MARS1: variants seen among roughly 807,000 people sequenced by gnomAD.
The protein encoded by MARS1 is methionyl-tRNA synthetase 1, also known as methionine--tRNA ligase, cytoplasmic.
A neutral mutation model predicts 119.5 loss-of-function variants in MARS1; 80 were observed. That is an observed-to-expected ratio of 0.67 (90% confidence interval 0.56 to 0.81). MARS1 has a LOEUF of 0.81. Ranked by LOEUF, MARS1 falls within the 30% of genes least tolerant of loss-of-function variation. The probability of loss-of-function intolerance (pLI) is 0.00; values close to 1 mark genes in which losing one functional copy is unlikely to be tolerated. For synonymous variants in MARS1, 418 were observed against 433.4 expected, an observed-to-expected ratio of 0.96 and a Z score of 0.44; for missense variants, 945 against 1,116.5, an observed-to-expected ratio of 0.85 and a Z score of 2.19.
chr12:57,493,823 AT>A (rs1207886150), intron 7 of MARS1, among the ~76,000 whole-genome samples: 1 of 1,056 alleles, frequency 9.5e-4, no homozygotes, highest in Non-Finnish European at 4.7e-3. Context: ...TATTATATAT[AT>A]TATATTATAT....
intron 7 of MARS1, among the ~76,000 whole-genome samples, chr12:57,491,059 A>G (rs1875927165): frequency 1.3e-5 from 2 of 151,714 alleles, no homozygotes; most frequent in Non-Finnish European, 1.5e-5. Flanking sequence ...TGAAGAGACA[A>G]GGTTTCACCA....
At chr12:57,509,263 G>C (rs535359430) in intron 11 of MARS1, among the ~76,000 whole-genome samples, 2 of 152,242 alleles carry the variant, frequency 1.3e-5, no homozygotes, top group African/African-American at 4.8e-5. Context: ...GTTCAGCCTT[G>C]AAATCAACCA....
intron 12 of MARS1, 25 bp from the exon 13 acceptor site, chr12:57,511,983 A>G (rs369188995): frequency 2.2e-5 from 36 of 1,611,454 alleles, no homozygotes; most frequent in Admixed American, 1.2e-4. Context: ...GGTCCCTAAC[A>G]TGTTTACCTC....
rs750799873 is a variant in MARS1, at chr12:57,490,626, G to A, written c.752G>A (p.Arg251Gln). The A allele has an allele frequency of 5.6e-6, 9 of 1,613,914 alleles. No individual in the cohort carries two copies. The highest frequency in any genetic ancestry group is 2.2e-5 in the East Asian group (1 of 44,882). ...GGCCTAGAAAGTTTGCCCCCGCTGC[G>A]GCCCCAGCAGAATCCAGTGTGAGTA... is the stretch of plus-strand genomic sequence containing the variant. Reference protein sequence around the residue: ...EKGLESLPPLRPQQNPVLPVA... With the variant: ...EKGLESLPPLQPQQNPVLPVA... Residue 251 changes from arginine (R) to glutamine (Q), a missense_variant, in exon 7 of 21, where the codon CGG (arginine) becomes CAG (glutamine). Transcript: ENST00000262027.
At chr12:57,493,730 T>A (rs1373910051) in intron 7 of MARS1, among the ~76,000 whole-genome samples, 12 of 6,948 alleles carry the variant, frequency 1.7e-3, no homozygotes, top group African/African-American at 2.4e-3. Flanking sequence ...TATATTATAT[T>A]ATATAATATA....
intron 7 of MARS1, among the ~76,000 whole-genome samples, 171 bp from the exon 8 acceptor site, chr12:57,497,986 T>G (rs1017273372): frequency 6.6e-6 from 1 of 152,110 alleles, no homozygotes; most frequent in Non-Finnish European, 1.5e-5. Flanking sequence ...TCTGGGGATC[T>G]TAGAGTGCCT....
Position 57,488,391 on chromosome 12 carries a change from A to G in MARS1, c.109+192A>G, listed in dbSNP as rs1410392964. 6 of 726,648 alleles carry G rather than the reference A, an allele frequency of 8.3e-6. No individual in the cohort carries two copies. The South Asian group carries it at 9.1e-5, about 11-fold the overall frequency. The allele number at this position is 726,648 out of a possible 1,614,324, so 45.0% of individuals were successfully genotyped here. A position where few individuals can be genotyped will look rare whatever the true frequency, so the allele number is the denominator to read the frequency against. On this transcript the variant is annotated intron_variant, in intron 1 of 20. Transcript: ENST00000262027. Reference sequence around the variant, plus strand: ...CTTTCACTTCCTTTAATTACCCTCAATATAATACCCTTCCCTTATCTCTCT... The same window carrying G: ...CTTTCACTTCCTTTAATTACCCTCAGTATAATACCCTTCCCTTATCTCTCT...
intron 8 of MARS1, 71 bp from the exon 9 acceptor site, chr12:57,498,349 G>A: frequency 5.0e-6 from 8 of 1,595,324 alleles, no homozygotes; most frequent in Non-Finnish European, 6.0e-6. Context: ...TCAAGGGTGG[G>A]GCTGGGGAGA....
intron 9 of MARS1, among the ~76,000 whole-genome samples, chr12:57,498,867 C>T (rs1371786993): frequency 6.6e-6 from 1 of 152,170 alleles, no homozygotes; most frequent in Non-Finnish European, 1.5e-5. Context: ...TGGGAAATAT[C>T]TATCTTCCCT....
At chr12:57,497,328 A>G (rs1419734332) in intron 7 of MARS1, among the ~76,000 whole-genome samples, 3 of 152,158 alleles carry the variant, frequency 2.0e-5, no homozygotes, top group Non-Finnish European at 4.4e-5. Context: ...TGGGCCATCT[A>G]TTGGGATATA....
intron 18 of MARS1, 145 bp from the exon 19 acceptor site, chr12:57,515,775 T>A: frequency 1.5e-6 from 1 of 679,198 alleles, no homozygotes; most frequent in African/African-American, 1.8e-5. Context: ...TACAGCTAAT[T>A]TCCTAAAATC....
intron 7 of MARS1, 136 bp downstream of exon 7, chr12:57,490,780 C>CTTTTTTTTTTTTT (rs35674919): frequency 7.5e-5 from 18 of 238,786 alleles, no homozygotes; most frequent in African/African-American, 1.8e-4. Flanking sequence ...TCTTACATCT[C>CTTTTTTTTTTTTT]TTTTTTTTTT....
chr12:57,507,242 T>G (rs1350082606), intron 11 of MARS1, among the ~76,000 whole-genome samples: 3 of 151,200 alleles, frequency 2.0e-5, no homozygotes, highest in African/African-American at 7.3e-5. Flanking sequence ...AAGTCTCCCA[T>G]GTCTACCTCT....
At chr12:57,489,175 G>A in intron 2 of MARS1, 66 bp downstream of exon 2, 1 of 1,599,920 alleles carries the variant, frequency 6.3e-7, no homozygotes. Flanking sequence ...CATTTGTGTG[G>A]CTTTATTTGC....
intron 7 of MARS1, among the ~76,000 whole-genome samples, chr12:57,493,558 T>C (rs1460545235): frequency 2.7e-4 from 1 of 3,766 alleles, no homozygotes; most frequent in African/African-American, 6.9e-4. Context: ...ATATATAATA[T>C]ATAATATATT....
At chr12:57,504,063 C>G in intron 10 of MARS1, 162 bp from the exon 11 acceptor site, 1 of 605,554 alleles carries the variant, frequency 1.7e-6, no homozygotes, top group Non-Finnish European at 3.0e-6. Flanking sequence ...AGATTTGAGT[C>G]TCCATGTTTA....
At chr12:57,507,430 G>A (rs1469468825) in intron 11 of MARS1, among the ~76,000 whole-genome samples, 7 of 76,308 alleles carry the variant, frequency 9.2e-5, no homozygotes, top group Admixed American at 2.4e-4. Context: ...AGGGGTGGCC[G>A]GGCAGAGGCG....
At chr12:57,509,909 T>C (rs1463949069) in intron 11 of MARS1, among the ~76,000 whole-genome samples, 1 of 152,218 alleles carries the variant, frequency 6.6e-6, no homozygotes, top group Admixed American at 6.5e-5. Flanking sequence ...AGAATTGCTT[T>C]GCTGGTACGT....
chr12:57,500,192 C>G, intron 9 of MARS1, 129 bp from the exon 10 acceptor site: 1 of 760,226 alleles, frequency 1.3e-6, no homozygotes, highest in South Asian at 1.5e-5. Flanking sequence ...AATAGATGCC[C>G]TTTTCCTTGA....
Sources: allele counts gnomAD v4.1 joint callset (sites outside exome capture counted in the v4.1 genomes callset), GRCh38; gene constraint gnomAD v4.1.1; transcripts MANE v1.5; gene names NCBI Gene and HGNC (gene_info 2026-07-23, HGNC 2026-07-21).